Variants in RABGAP1L observed in about 807,000 individuals in gnomAD.
RABGAP1L encodes the protein RAB GTPase activating protein 1 like.
Under a neutral mutation model 137.7 loss-of-function variants are expected in RABGAP1L, and 63 were observed. That is an observed-to-expected ratio of 0.46 (90% CI 0.37 to 0.56). RABGAP1L has a LOEUF of 0.56. Among genes scored for constraint, RABGAP1L ranks in the 20% least tolerant of loss-of-function variants. The pLI is 0.00. For synonymous variants in RABGAP1L, 431 were observed against 433.7 expected, an observed-to-expected ratio of 0.99 and a Z score of 0.08; for missense variants, 1,095 against 1,244.0, an observed-to-expected ratio of 0.88 and a Z score of 1.80.
rs746539945 is a variant in RABGAP1L, at chr1:174,241,629, A to G, written c.689A>G (p.His230Arg). The change falls in exon 5 of 26, where the codon CAT becomes CGT. Residue 230 changes from histidine (H) to arginine (R), a missense_variant. By Grantham distance (29) the His-to-Arg change is conservative. This residue lies in a region of RABGAP1L where 356 missense variants were observed against 326.3 expected (regional missense o/e 1.09). Coordinates refer to ENST00000681986, the MANE Select transcript of RABGAP1L (RefSeq NM_001366446.1). ...SSHGSEEFQI[H>R]VFSCEIKEAV... ...CATGGTTCGGAAGAATTTCAGATACATGTTTTCTCCTGTGAAATTAAAGAG... is the reference window on the plus strand; with the variant it reads ...CATGGTTCGGAAGAATTTCAGATACGTGTTTTCTCCTGTGAAATTAAAGAG... The G allele has an allele frequency of 3.7e-6, 6 of 1,613,440 alleles. No homozygotes were observed. The highest frequency in any genetic ancestry group is 5.1e-6 in the Non-Finnish European group (6 of 1,179,810).
At chr1:174,475,907 C>T (rs537298277) in intron 13 of RABGAP1L, among the ~76,000 whole-genome samples, 2 of 147,744 alleles carry the variant, frequency 1.4e-5, no homozygotes, top group South Asian at 4.3e-4. Flanking sequence ...CTTATTAGAA[C>T]ATTATATATG....
rs987442546 is a variant in RABGAP1L, at chr1:174,958,046, A to G, written c.2433+497A>G. ...AAGTACTGTTTTAGCTGTGCATGTC[A>G]TATCCACAAAGACTTTTAGCAGGTG... is the stretch of plus-strand genomic sequence containing the variant. On this transcript the variant is annotated intron_variant, in intron 20 of 25. Coordinates refer to ENST00000681986, the MANE Select transcript of RABGAP1L (RefSeq NM_001366446.1). 2.6e-6 allele frequency: 4 copies of G among 1,529,548 alleles called. No individual in the cohort carries two copies. The African/African-American group carries it at 4.1e-5, about 16-fold the overall frequency. The allele number at this position is 1,529,548 out of a possible 1,614,324, so 94.7% of individuals were successfully genotyped here.
At chr1:174,805,293 G>T (rs1689179740) in intron 18 of RABGAP1L, among the ~76,000 whole-genome samples, 1 of 152,158 alleles carries the variant, frequency 6.6e-6, no homozygotes, top group African/African-American at 2.4e-5. Flanking sequence ...CTACTTGAAA[G>T]GGAAAAGAAG....
Position 174,195,574 on chromosome 1 carries a change from ATTCTTTCT to A in RABGAP1L, c.-33-23513_-33-23506del, listed in dbSNP as rs201213056. ...TAACTTTGGGTAGGGTTCTTAATCA[ATTCTTTCT>A]TTCTTTCTTTCTTTCTTTCTTTCTT... On this transcript the variant is annotated intron_variant, in intron 1 of 25. Coordinates refer to ENST00000681986, the MANE Select transcript of RABGAP1L (RefSeq NM_001366446.1). 3.4e-3 allele frequency among the ~76,000 whole-genome samples: 252 copies of A among 74,540 alleles called. 5 individuals carry two copies. The East Asian group carries it at 0.039, about 12-fold the overall frequency. The allele number at this position is 74,540 out of a possible 152,430, so 48.9% of individuals were successfully genotyped here.
Position 174,702,122 on chromosome 1 carries a change from C to G in RABGAP1L, c.2035C>G (p.Pro679Ala), listed in dbSNP as rs1320706866. ...CCACTTTGACTTTTAGGAACAGCTA[C>G]CGGACCTGCATAGCCATTTTTCTGA... ...QLERLMQEQL[P>A]DLHSHFSDLN... Residue 679 changes from proline to alanine, a missense_variant, in exon 17 of 26, where the codon CCG becomes GCG. By Grantham distance (27) the Pro-to-Ala change is conservative (BLOSUM62 -1). This residue lies in a region of RABGAP1L where 312 missense variants were observed against 435.6 expected (regional missense o/e 0.72). Coordinates refer to ENST00000681986, the MANE Select transcript of RABGAP1L (RefSeq NM_001366446.1). 1 of 1,610,200 alleles carries G rather than the reference C, an allele frequency of 6.2e-7. No individual in the cohort carries two copies. The highest frequency in any genetic ancestry group is 8.5e-7 in the Non-Finnish European group (1 of 1,178,800).
chr1:174,960,411 T>C (rs1363921343), intron 20 of RABGAP1L, among the ~76,000 whole-genome samples: 4 of 152,152 alleles, frequency 2.6e-5, no homozygotes, highest in African/African-American at 9.7e-5. Flanking sequence ...GCAGATATCT[T>C]CATGGTTAGG....
intron 10 of RABGAP1L, among the ~76,000 whole-genome samples, chr1:174,304,644 T>A (rs1168454281): frequency 6.6e-6 from 1 of 152,128 alleles, no homozygotes; most frequent in Non-Finnish European, 1.5e-5. Context: ...ATACTTTAGG[T>A]TCGTGTAAGG....
chr1:174,974,823 T>C (rs1670507488), intron 21 of RABGAP1L, among the ~76,000 whole-genome samples: 1 of 152,156 alleles, frequency 6.6e-6, no homozygotes, highest in Admixed American at 6.5e-5. Flanking sequence ...GCAGGAGATA[T>C]GGCAGAAAAC....
chr1:174,780,406 C>T (rs979998439), intron 18 of RABGAP1L, among the ~76,000 whole-genome samples: 1 of 152,052 alleles, frequency 6.6e-6, no homozygotes, highest in Non-Finnish European at 1.5e-5. Flanking sequence ...AATAGGCTTC[C>T]TCCAGCCTTC....
chr1:174,787,325 C>T (rs557840258), intron 18 of RABGAP1L, among the ~76,000 whole-genome samples: 1 of 150,862 alleles, frequency 6.6e-6, no homozygotes, highest in East Asian at 2.0e-4. Flanking sequence ...ATCGCTTGAA[C>T]CTGGGAGGTG....
intron 14 of RABGAP1L, among the ~76,000 whole-genome samples, chr1:174,638,111 A>G (rs1176090177): frequency 2.0e-5 from 3 of 152,208 alleles, no homozygotes; most frequent in South Asian, 2.1e-4. Flanking sequence ...TGCAGAATGA[A>G]GTGTGGTGGG....
intron 13 of RABGAP1L, among the ~76,000 whole-genome samples, chr1:174,597,333 C>G (rs532407495): frequency 7.2e-5 from 11 of 152,220 alleles, no homozygotes; most frequent in South Asian, 6.2e-4. Flanking sequence ...TGCAGTGAAG[C>G]CATCATTTTC....
At chr1:174,269,915 G>A (rs966548133) in intron 7 of RABGAP1L, among the ~76,000 whole-genome samples, 1 of 152,136 alleles carries the variant, frequency 6.6e-6, no homozygotes, top group African/African-American at 2.4e-5. Flanking sequence ...GAACTCCCCA[G>A]TGAAACACTG....
chr1:174,979,302 A>C (rs1432848624), intron 23 of RABGAP1L, among the ~76,000 whole-genome samples: 2 of 152,212 alleles, frequency 1.3e-5, no homozygotes, highest in East Asian at 3.8e-4. Context: ...TTGGTGACTC[A>C]CTGTCTCCTT....
chr1:174,844,884 A>G (rs368770657), intron 19 of RABGAP1L, among the ~76,000 whole-genome samples: 2 of 89,880 alleles, frequency 2.2e-5, no homozygotes, highest in Admixed American at 1.2e-4. Context: ...ATTTGTTTGT[A>G]TCCTCTTTTA....
At chr1:174,313,362 G>T (rs1298122788) in intron 11 of RABGAP1L, among the ~76,000 whole-genome samples, 15 of 152,174 alleles carry the variant, frequency 9.9e-5, no homozygotes, top group Admixed American at 9.8e-4. Context: ...ATAGTTTTGT[G>T]GTGGAGCCTT....
chr1:174,977,946 TAC>T (rs1418574608), intron 22 of RABGAP1L, among the ~76,000 whole-genome samples: 2 of 152,232 alleles, frequency 1.3e-5, no homozygotes, highest in African/African-American at 4.8e-5. Flanking sequence ...AACTAGCAAT[TAC>T]AGAGTATACG....
Position 174,702,954 on chromosome 1 carries a change from TAAG to T in RABGAP1L, c.2169+702_2169+704del, listed in dbSNP as rs199568928. Among the ~76,000 whole-genome samples the T allele has an allele frequency of 9.1e-4, 139 of 152,238 alleles. 1 individual carries two copies. The East Asian group carries it at 0.021, about 23-fold the overall frequency. ...TAGCAGTAATAGGGAATTTGCTAGA[TAAG>T]AAGTGTATATTTTCAATGGCAGTAT... On this transcript the variant is annotated intron_variant, in intron 17 of 25. Coordinates refer to ENST00000681986, the MANE Select transcript of RABGAP1L (RefSeq NM_001366446.1).
chr1:174,370,010 T>C (rs1160576651), intron 11 of RABGAP1L, among the ~76,000 whole-genome samples: 1 of 152,230 alleles, frequency 6.6e-6, no homozygotes, highest in Non-Finnish European at 1.5e-5. Context: ...ACATTAATGT[T>C]TTCTGATGTT....
Sources: allele counts gnomAD v4.1 joint callset (sites outside exome capture counted in the v4.1 genomes callset), GRCh38; gene constraint gnomAD v4.1.1; regional missense constraint gnomAD v4.1.1; transcripts MANE v1.5; gene names NCBI Gene and HGNC (gene_info 2026-07-23, HGNC 2026-07-21).